The following BCKDHB variants were observed in gnomAD, a reference collection of about 807,000 sequenced individuals.
BCKDHB encodes 2-oxoisovalerate dehydrogenase subunit beta, mitochondrial.
In BCKDHB, 41 loss-of-function variants were observed where a neutral mutation model predicts 48.5. The ratio of observed to expected loss-of-function variants is 0.85; its 90% CI spans 0.66 to 1.10. The LOEUF (loss-of-function observed/expected upper bound fraction) is 1.10, where lower values mean the gene tolerates loss of function less well. Ranked by LOEUF, BCKDHB falls within the 50% of genes least tolerant of loss-of-function variation. The probability of loss-of-function intolerance (pLI) is 0.00; values close to 1 mark genes in which losing one functional copy is unlikely to be tolerated. For missense variants in BCKDHB, 496 were observed against 494.2 expected (o/e 1.00, Z -0.03); for synonymous variants, 201 against 174.8 (o/e 1.15, Z -1.18).
chr6:80,343,790 A>G lies in BCKDHB; in HGVS notation c.1165A>G (p.Met389Val), dbSNP rs781386085. Reference protein sequence around the residue: ...KWKCYDALRKMINY With the variant: ...KWKCYDALRKVINY ...GAAGTGTTATGATGCCCTTCGAAAA[A>G]TGATCAACTATTGACCATATAGGTA... is the stretch of plus-strand genomic sequence containing the variant. Residue 389 changes from methionine (M) to valine (V), a missense_variant, in exon 10 of 10, where the codon ATG (methionine) becomes GTG (valine). Coordinates refer to ENST00000320393, the MANE Select transcript of BCKDHB (RefSeq NM_183050.4). The G allele has an allele frequency of 6.2e-7, 1 of 1,613,960 alleles. No individual in the cohort carries two copies. Among genetic ancestry groups the G allele is most frequent in the Non-Finnish European group, 8.5e-7 (1 of 1,179,954 alleles).
intron 9 of BCKDHB, among the ~76,000 whole-genome samples, chr6:80,289,752 C>T (rs536153375): frequency 6.6e-6 from 1 of 152,180 alleles, no homozygotes; most frequent in African/African-American, 2.4e-5. Flanking sequence ...GGGGCATCTC[C>T]CTGGGGAGCA....
chr6:80,187,544 C>T (rs1417741822), intron 6 of BCKDHB, among the ~76,000 whole-genome samples: 3 of 151,948 alleles, frequency 2.0e-5, no homozygotes, highest in Non-Finnish European at 4.4e-5. Flanking sequence ...AAACAGGCAA[C>T]CTATAGAAGG....
intron 9 of BCKDHB, among the ~76,000 whole-genome samples, chr6:80,283,343 G>C (rs2127977210): frequency 6.6e-6 from 1 of 152,060 alleles, no homozygotes; most frequent in East Asian, 1.9e-4. Flanking sequence ...CTGGATTTAA[G>C]CCAGTCAGAA....
At chr6:80,371,336 T>C in the BCKDHB span, among the ~76,000 whole-genome samples, 2 of 152,082 alleles carry the variant, frequency 1.3e-5, no homozygotes, top group African/African-American at 2.4e-5. Context: ...TTGATGGAAT[T>C]GTTTTTTTCT....
chr6:80,107,011 C>A, intron 1 of BCKDHB, 122 bp downstream of exon 1: 2 of 1,247,434 alleles, frequency 1.6e-6, no homozygotes, highest in Non-Finnish European at 2.3e-6. Context: ...AACTTCCTGA[C>A]TCTCTGGAAC....
At chr6:80,156,120 C>T (rs1366454573) in intron 3 of BCKDHB, among the ~76,000 whole-genome samples, 1 of 151,828 alleles carries the variant, frequency 6.6e-6, no homozygotes, top group Non-Finnish European at 1.5e-5. Flanking sequence ...CCCTCTGTGT[C>T]CATGAATGTA....
chr6:80,303,179 A>G (rs1028044147), intron 9 of BCKDHB, among the ~76,000 whole-genome samples: 1 of 152,076 alleles, frequency 6.6e-6, no homozygotes, highest in African/African-American at 2.4e-5. Flanking sequence ...TTTTTAATTT[A>G]GCATTAAATG....
the BCKDHB span, among the ~76,000 whole-genome samples, chr6:80,392,720 A>G: frequency 6.6e-6 from 1 of 151,690 alleles, no homozygotes; most frequent in Admixed American, 6.6e-5. Context: ...GTATTTTCTT[A>G]TATAATTACA....
At chr6:80,391,865 T>A in the BCKDHB span, among the ~76,000 whole-genome samples, 1 of 152,336 alleles carries the variant, frequency 6.6e-6, no homozygotes, top group Non-Finnish European at 1.5e-5. Context: ...GTTCCCTTTT[T>A]AAGGGAACAT....
At chr6:80,373,902 G>A in the BCKDHB span, 30 of 405,080 alleles carry the variant, frequency 7.4e-5, no homozygotes, top group African/African-American at 1.2e-4. Flanking sequence ...GAATCCTTAT[G>A]TGTCAGGTGA....
At chr6:80,144,172 T>C (rs960236179) in intron 3 of BCKDHB, among the ~76,000 whole-genome samples, 2 of 152,182 alleles carry the variant, frequency 1.3e-5, no homozygotes, top group African/African-American at 4.8e-5. Flanking sequence ...AAATACAGCA[T>C]ATTAAATGGC....
intron 8 of BCKDHB, among the ~76,000 whole-genome samples, chr6:80,266,349 A>G (rs1777513104): frequency 6.6e-6 from 1 of 152,138 alleles, no homozygotes; most frequent in South Asian, 2.1e-4. Context: ...AGAAATAATT[A>G]TGTTGCTACC....
At chr6:80,121,831 T>C (rs1459843966) in intron 1 of BCKDHB, among the ~76,000 whole-genome samples, 1 of 152,212 alleles carries the variant, frequency 6.6e-6, no homozygotes, top group Non-Finnish European at 1.5e-5. Flanking sequence ...CTTTTCCTAA[T>C]TGAAAACCCT....
At chr6:80,411,846 T>C in the BCKDHB span, among the ~76,000 whole-genome samples, 1 of 152,180 alleles carries the variant, frequency 6.6e-6, no homozygotes, top group African/African-American at 2.4e-5. Context: ...CAGAAGTGTA[T>C]CAGTTTTCCA....
the BCKDHB span, among the ~76,000 whole-genome samples, chr6:80,418,237 C>T: frequency 2.1e-3 from 314 of 151,420 alleles, no homozygotes; most frequent in African/African-American, 7.2e-3. Context: ...CAACATACTT[C>T]GGTAGCTCAA....
chr6:80,439,294 G>T, the BCKDHB span, among the ~76,000 whole-genome samples: 2 of 152,044 alleles, frequency 1.3e-5, no homozygotes, highest in African/African-American at 4.8e-5. Flanking sequence ...TGCCCCCAAT[G>T]TCATAGTAAT....
At chr6:80,379,123 A>G in the BCKDHB span, among the ~76,000 whole-genome samples, 1 of 152,020 alleles carries the variant, frequency 6.6e-6, no homozygotes, top group Non-Finnish European at 1.5e-5. Context: ...GTGAAAAATC[A>G]GATAAGGACA....
At chr6:80,414,993 A>G in the BCKDHB span, among the ~76,000 whole-genome samples, 1 of 79,492 alleles carries the variant, frequency 1.3e-5, no homozygotes. Context: ...TTGTGTTCTT[A>G]GGTATTTCTG....
intron 3 of BCKDHB, among the ~76,000 whole-genome samples, chr6:80,163,748 G>C (rs1359648443): frequency 6.6e-6 from 1 of 152,152 alleles, no homozygotes; most frequent in Non-Finnish European, 1.5e-5. Flanking sequence ...AACCTGAGCT[G>C]CTGATCTCTC....
Sources: gnomAD v4.1 joint callset for allele counts (sites outside exome capture counted in the v4.1 genomes callset) on GRCh38, gnomAD v4.1.1 for gene constraint, MANE v1.5 for transcripts, NCBI Gene and HGNC (gene_info 2026-07-23, HGNC 2026-07-21) for gene names.